Variants in PTPA observed in about 807,000 individuals in gnomAD.
The protein encoded by PTPA is serine/threonine-protein phosphatase 2A activator.
PTPA carries 13 observed loss-of-function variants against 43.6 expected under a neutral mutation model. That is an observed-to-expected ratio of 0.30 (90% CI 0.19 to 0.47). The LOEUF is 0.47. Among genes scored for constraint, PTPA ranks in the 20% least tolerant of loss-of-function variants. The pLI is 0.99. For missense variants in PTPA, 329 were observed against 411.9 expected, an observed-to-expected ratio of 0.80 and a Z score of 1.74; for synonymous variants, 172 against 158.2, an observed-to-expected ratio of 1.09 and a Z score of -0.66.
chr9:129,111,854 C>A, intron 1 of PTPA: 1 of 1,168,396 alleles, frequency 8.6e-7, no homozygotes, highest in Non-Finnish European at 1.1e-6. Context: ...GATTGGGGCG[C>A]AACTCTGGGT....
chr9:129,119,520 C>G (rs1044893235), intron 1 of PTPA: 1 of 151,974 alleles, frequency 6.6e-6, no homozygotes, highest in Non-Finnish European at 1.5e-5. Context: ...ATTCTTCTGC[C>G]TCAGCCTCCC....
At chr9:129,114,076 C>T (rs1848715226) in intron 1 of PTPA, among the ~76,000 whole-genome samples, 1 of 152,056 alleles carries the variant, frequency 6.6e-6, no homozygotes, top group Non-Finnish European at 1.5e-5. Flanking sequence ...TCTCCCAGGC[C>T]AGGGTGCAGT....
chr9:129,131,665 A>G, intron 5 of PTPA, 26 bp downstream of exon 5: 1 of 1,599,334 alleles, frequency 6.3e-7, no homozygotes, highest in Middle Eastern at 1.7e-4. Context: ...GGGGCTCTGT[A>G]CTTATCTAGC....
At position 129,142,333 on chromosome 9, in the gene PTPA, T is replaced by C. The variant is rs551300919; in HGVS notation, c.787-112T>C. The stretch of plus-strand genomic sequence containing the variant: ...TGTCTGCGCGTGCATTGTGTGCGTG[T>C]GCGTTTGTGTGTGTGTGTGTGTGCA... On this transcript the variant is annotated intron_variant, in intron 8 of 9. Coordinates refer to ENST00000393370, the MANE Select transcript of PTPA (RefSeq NM_178000.3). The C allele has an allele frequency of 7.7e-4, 713 of 926,620 alleles. 2 individuals are homozygous for C. The highest frequency in any genetic ancestry group is 9.9e-4 in the Non-Finnish European group (624 of 631,740). 57.4% of individuals were successfully genotyped at this position (926,620 alleles called of 1,614,324 possible).
chr9:129,129,248 G>C (rs778413110), intron 4 of PTPA, 138 bp downstream of exon 4: 300 of 1,257,828 alleles, frequency 2.4e-4, no homozygotes, highest in Non-Finnish European at 3.1e-4. Context: ...ATTTCACTTA[G>C]CAAAATTACA....
At chr9:129,129,550 A>G (rs10819470) in intron 4 of PTPA, among the ~76,000 whole-genome samples, 89,978 of 151,378 alleles carry the variant, frequency 0.59, 28,655 homozygotes, top group Non-Finnish European at 0.7. Flanking sequence ...GCTCACTGCA[A>G]GCTCCACCTC....
intron 3 of PTPA, chr9:129,127,864 A>G (rs909129400): frequency 4.8e-6 from 4 of 831,686 alleles, no homozygotes; most frequent in African/African-American, 3.5e-5. Flanking sequence ...GAAATAACCC[A>G]AACATTTAAC....
At position 129,131,649 on chromosome 9, in the gene PTPA, G is replaced by C; in HGVS notation, c.460+10G>C. The stretch of plus-strand genomic sequence containing the variant: ...ATTGACTACGGCACAGGTATCTGCT[G>C]CTTGTGGGGCTCTGTACTTATCTAG... On this transcript the variant is annotated intron_variant, in intron 5 of 9. Transcript: ENST00000393370. 1 of 1,610,400 alleles carries C rather than the reference G, an allele frequency of 6.2e-7. No homozygotes were observed. Among genetic ancestry groups the C allele is most frequent in the Non-Finnish European group, 8.5e-7 (1 of 1,176,660 alleles).
At chr9:129,145,956 A>G (rs531166178) in intron 9 of PTPA, among the ~76,000 whole-genome samples, 2 of 152,222 alleles carry the variant, frequency 1.3e-5, no homozygotes, top group East Asian at 1.9e-4. Context: ...TCCTTGGCCC[A>G]GCTCCTGTGG....
intron 1 of PTPA, among the ~76,000 whole-genome samples, chr9:129,112,720 T>G (rs1747292286): frequency 6.6e-6 from 1 of 152,200 alleles, no homozygotes; most frequent in Non-Finnish European, 1.5e-5. Context: ...GGCGGGCTGA[T>G]CACCTGAGGT....
At chr9:129,112,898 G>A (rs142091551) in intron 1 of PTPA, among the ~76,000 whole-genome samples, 33 of 151,742 alleles carry the variant, frequency 2.2e-4, no homozygotes, top group African/African-American at 7.0e-4. Context: ...CTGAGATCGC[G>A]GCATTGCACT....
chr9:129,112,017 C>G (rs777778641), intron 1 of PTPA: 26 of 217,790 alleles, frequency 1.2e-4, no homozygotes, highest in Non-Finnish European at 2.1e-4. Context: ...CGGAGGCTGC[C>G]GTCTTTATTA....
intron 1 of PTPA, chr9:129,111,893 T>A: frequency 1.2e-6 from 1 of 865,048 alleles, no homozygotes; most frequent in Non-Finnish European, 1.5e-6. Context: ...GCCCGAATGC[T>A]GGGTGGGCAG....
chr9:129,126,156 A>C (rs9408986), intron 3 of PTPA, among the ~76,000 whole-genome samples: 33,530 of 151,624 alleles, frequency 0.22, 4,111 homozygotes, highest in Middle Eastern at 0.29. Flanking sequence ...CTCAAAAAGA[A>C]AAAAAAAACT....
At chr9:129,129,841 G>A (rs1432890969) in intron 4 of PTPA, among the ~76,000 whole-genome samples, 1 of 152,176 alleles carries the variant, frequency 6.6e-6, no homozygotes, top group East Asian at 1.9e-4. Context: ...GGAGGTTAAG[G>A]CGGGAGGATC....
chr9:129,147,738 C>G lies in PTPA; in HGVS notation c.*274C>G, dbSNP rs1166147831. The G allele has an allele frequency of 1.6e-5, 7 of 449,344 alleles. No individual in the cohort carries two copies. Among genetic ancestry groups the G allele is most frequent in the African/African-American group, 2.0e-5 (1 of 49,862 alleles). 27.8% of individuals were successfully genotyped at this position (449,344 alleles called of 1,614,324 possible). The stretch of plus-strand genomic sequence containing the variant: ...TCTGGGGCCTGGTCACTCGGCCACT[C>G]TCTCCTGTTTCTGGCCTCTTCTCCC... On this transcript the variant is annotated 3_prime_UTR_variant, in exon 10 of 10. Coordinates refer to ENST00000393370, the MANE Select transcript of PTPA (RefSeq NM_178000.3).
At position 129,143,477 on chromosome 9, in the gene PTPA, T is replaced by G. The variant is rs769002194; in HGVS notation, c.894+925T>G. 4.4e-5 allele frequency: 31 copies of G among 701,988 alleles called. No homozygotes were observed. The Middle Eastern group carries it at 7.3e-4, about 17-fold the overall frequency. 43.5% of individuals were successfully genotyped at this position (701,988 alleles called of 1,614,324 possible). A position where few individuals can be genotyped will look rare whatever the true frequency, so the allele number is the denominator to read the frequency against. On this transcript the variant is annotated intron_variant, in intron 9 of 9. Transcript: ENST00000393370. ...TTCTGGGAAGGGGCTGCTCCAGGTC[T>G]TCATTGGACCCAGAGCTTCCTGGAT...
intron 9 of PTPA, among the ~76,000 whole-genome samples, chr9:129,146,872 C>A (rs1244270913): frequency 2.0e-5 from 3 of 152,204 alleles, no homozygotes; most frequent in African/African-American, 7.2e-5. Context: ...CTGGGAATTG[C>A]CCAGGGGTGG....
chr9:129,122,352 A>C (rs6478865), intron 2 of PTPA, among the ~76,000 whole-genome samples: 105,888 of 152,080 alleles, frequency 0.7, 36,978 homozygotes, highest in Non-Finnish European at 0.7. Flanking sequence ...ATCCTCCTGC[A>C]TCAGCCTCCC....
Sources: allele counts gnomAD v4.1 joint callset (sites outside exome capture counted in the v4.1 genomes callset), GRCh38; gene constraint gnomAD v4.1.1; transcripts MANE v1.5; gene names NCBI Gene and HGNC (gene_info 2026-07-23, HGNC 2026-07-21).